The following BMPR2 variants were observed in gnomAD, a reference collection of about 807,000 sequenced individuals.
BMPR2 encodes the protein bone morphogenetic protein receptor type 2.
Under a neutral mutation model 100.8 loss-of-function variants are expected in BMPR2, and 29 were observed. The observed-to-expected ratio is 0.29, with a 90% CI of 0.21 to 0.39. BMPR2 has a LOEUF of 0.39. Among genes scored for constraint, BMPR2 ranks in the 10% least tolerant of loss-of-function variants. The pLI is 1.00. For synonymous variants in BMPR2, 382 were observed against 442.3 expected (o/e 0.86, Z 1.71); for missense variants, 1,011 against 1,274.5 (o/e 0.79, Z 3.15).
Position 202,555,504 on chromosome 2 carries a change from A to C in BMPR2, c.1839A>C (p.Thr613=), listed in dbSNP as rs1688551318. ...TCACCAGCCTCTCCACCAACACAAC[A>C]ACCACAAACACCACAGGACTCACGC... The part of the protein sequence containing the change: ...TSVTSLSTNT[T]TTNTTGLTPS... Residue 613 remains threonine (T), a synonymous_variant, in exon 12 of 13, where the codon ACA becomes ACC. Transcript: ENST00000374580. 2 of 1,614,120 alleles carry C rather than the reference A, an allele frequency of 1.2e-6. No homozygotes were observed. The highest frequency in any genetic ancestry group is 1.3e-5 in the African/African-American group (1 of 75,046).
Position 202,514,905 on chromosome 2 carries a change from C to G in BMPR2, c.547C>G (p.Leu183Val), listed in dbSNP as rs1281060306. ...TCTTATAGGAGACCGTAAACAAGGTCTTCACAGTATGAACATGATGGAGGC... is the reference window on the plus strand; with the variant it reads ...TCTTATAGGAGACCGTAAACAAGGTGTTCACAGTATGAACATGATGGAGGC... ...RMLTGDRKQG[L>V]HSMNMMEAAA... Residue 183 changes from leucine (L) to valine (V), a missense_variant, in exon 5 of 13, where the codon CTT becomes GTT. Transcript: ENST00000374580. 1 of 1,613,872 alleles carries G rather than the reference C, an allele frequency of 6.2e-7. No individual in the cohort carries two copies. Among genetic ancestry groups the G allele is most frequent in the Non-Finnish European group, 8.5e-7 (1 of 1,179,946 alleles).
chr2:202,388,993 G>C (rs1690492087), intron 1 of BMPR2, among the ~76,000 whole-genome samples: 1 of 152,198 alleles, frequency 6.6e-6, no homozygotes, highest in South Asian at 2.1e-4. Flanking sequence ...TCTTTGGGAG[G>C]CTGAGGCAGG....
intron 7 of BMPR2, among the ~76,000 whole-genome samples, chr2:202,526,628 T>C (rs1211325484): frequency 6.6e-6 from 1 of 152,220 alleles, no homozygotes; most frequent in African/African-American, 2.4e-5. Context: ...AAAAGTTGGC[T>C]TAGCACAGAA....
chr2:202,542,413 C>T lies in BMPR2; in HGVS notation c.1379C>T (p.Pro460Leu). 1 of 1,613,858 alleles carries T rather than the reference C, an allele frequency of 6.2e-7. No individual in the cohort carries two copies. The highest frequency in any genetic ancestry group is 2.2e-5 in the East Asian group (1 of 44,842). Residue 460 changes from proline (P) to leucine (L), a missense_variant, in exon 10 of 13, where the codon CCC becomes CTC. Around this residue, in one of 6 missense-constraint regions of BMPR2, gnomAD observed 83 missense variants for 140.7 expected, o/e 0.59. Coordinates refer to ENST00000374580, the MANE Select transcript of BMPR2 (RefSeq NM_001204.7). ...CTCGTGTCTAGGGAAAAACAGAGAC[C>T]CAAGTTCCCAGAAGCCTGGAAAGAA... ...QVLVSREKQR[P>L]KFPEAWKENS... is the part of the protein sequence containing the mutation.
chr2:202,544,916 C>G (rs1688347981), intron 10 of BMPR2, among the ~76,000 whole-genome samples: 1 of 151,622 alleles, frequency 6.6e-6, no homozygotes, highest in African/African-American at 2.4e-5. Flanking sequence ...AGGTGCATAC[C>G]ACTTTGCCTG....
intron 1 of BMPR2, among the ~76,000 whole-genome samples, chr2:202,443,612 G>A (rs1159044168): frequency 6.7e-6 from 1 of 149,158 alleles, no homozygotes; most frequent in Non-Finnish European, 1.5e-5. Flanking sequence ...CACCCAGGCT[G>A]GAGTGCAGTG....
chr2:202,444,343 GT>G (rs1367293460), intron 1 of BMPR2, among the ~76,000 whole-genome samples: 1 of 150,140 alleles, frequency 6.7e-6, no homozygotes, highest in African/African-American at 2.5e-5. Context: ...CATTTTATTT[GT>G]TTTTTTATAA....
rs375624016 is a variant in BMPR2 at position 202,376,511 on chromosome 2, A to AGGCGGCGGCGGC, written c.-939_-928dup. On this transcript the variant is annotated 5_prime_UTR_variant, in exon 1 of 13. Transcript: ENST00000374580. ...AGGAGCCCAGAGCTGCGGGAGAACG[A>AGGCGGCGGCGGC]GGCGGCGGCGGCGGCGGCGGCGGCG... Among the ~76,000 whole-genome samples the AGGCGGCGGCGGC allele has an allele frequency of 0.012, 1,461 of 125,838 alleles. 22 individuals are homozygous for AGGCGGCGGCGGC. The highest frequency in any genetic ancestry group is 0.014 in the Non-Finnish European group (848 of 58,908). 82.6% of individuals were successfully genotyped at this position (125,838 alleles called of 152,430 possible).
chr2:202,464,855 G>A lies in BMPR2; in HGVS notation c.123G>A (p.Gln41=). Residue 41 remains glutamine (Q), a synonymous_variant, in exon 2 of 13, where the codon CAG becomes CAA. Coordinates refer to ENST00000374580, the MANE Select transcript of BMPR2 (RefSeq NM_001204.7). ...TATGTGCGTTTAAAGATCCGTATCA[G>A]CAAGACCTTGGGATAGGTGAGAGTA... ...ERLCAFKDPY[Q]QDLGIGESRI... 1 of 1,614,110 alleles carries A rather than the reference G, an allele frequency of 6.2e-7. No individual in the cohort carries two copies. Among genetic ancestry groups the A allele is most frequent in the Non-Finnish European group, 8.5e-7 (1 of 1,180,012 alleles).
chr2:202,419,770 G>A (rs1358685128), intron 1 of BMPR2, among the ~76,000 whole-genome samples: 1 of 152,076 alleles, frequency 6.6e-6, no homozygotes, highest in East Asian at 1.9e-4. Context: ...AGAAAACAGC[G>A]TCTTGTTGAT....
At chr2:202,489,653 CAT>C (rs1485543657) in intron 3 of BMPR2, among the ~76,000 whole-genome samples, 2 of 152,138 alleles carry the variant, frequency 1.3e-5, no homozygotes, top group African/African-American at 2.4e-5. Context: ...AATAAACAAA[CAT>C]GATTAATTTT....
chr2:202,411,922 C>G (rs1691020117), intron 1 of BMPR2, among the ~76,000 whole-genome samples: 1 of 152,092 alleles, frequency 6.6e-6, no homozygotes, highest in African/African-American at 2.4e-5. Flanking sequence ...TTGTGGAATT[C>G]TTGATTAAAT....
intron 4 of BMPR2, among the ~76,000 whole-genome samples, chr2:202,514,379 G>T (rs944132876): frequency 2.0e-5 from 3 of 152,046 alleles, no homozygotes; most frequent in Non-Finnish European, 4.4e-5. Flanking sequence ...CTCGTGATCC[G>T]CCCGCCTTGG....
At position 202,503,425 on chromosome 2, in the gene BMPR2, G is replaced by C. The variant is rs1045590498; in HGVS notation, c.419-10294G>C. Among the ~76,000 whole-genome samples, 1 of 152,244 alleles carries C rather than the reference G, an allele frequency of 6.6e-6. No individual in the cohort carries two copies. Among genetic ancestry groups the C allele is most frequent in the Non-Finnish European group, 1.5e-5 (1 of 68,036 alleles). On this transcript the variant is annotated intron_variant, in intron 3 of 12. Transcript: ENST00000374580. The surrounding 1 kb of genome is among the most constrained non-coding windows in gnomAD (Gnocchi z 4.0). ...AACCGGGGCGGCGTGCCGCGCTTGC[G>C]GGCCAGCCGGAGTTCCGGTTGGGCA... is the stretch of plus-strand genomic sequence containing the variant.
At chr2:202,489,775 G>A (rs1692860278) in intron 3 of BMPR2, among the ~76,000 whole-genome samples, 1 of 152,182 alleles carries the variant, frequency 6.6e-6, no homozygotes, top group South Asian at 2.1e-4. Flanking sequence ...AACATGGACA[G>A]AATTTTTAGA....
chr2:202,428,206 T>C (rs1425842054), intron 1 of BMPR2, among the ~76,000 whole-genome samples: 1 of 152,076 alleles, frequency 6.6e-6, no homozygotes, highest in Non-Finnish European at 1.5e-5. Context: ...TTTACCCTTT[T>C]CTTAGCACGT....
chr2:202,513,583 C>T, intron 3 of BMPR2, 136 bp from the exon 4 acceptor site: 6 of 605,420 alleles, frequency 9.9e-6, no homozygotes, highest in African/African-American at 1.9e-5. Context: ...CTAATTTTTT[C>T]TTTCATTTCC....
intron 1 of BMPR2, among the ~76,000 whole-genome samples, chr2:202,382,058 G>GTTTTTTTTTTT (rs1216592236): frequency 1.8e-5 from 2 of 113,648 alleles, no homozygotes; most frequent in Non-Finnish European, 3.7e-5. Context: ...TTTTGTTTTT[G>GTTTTTTTTTTT]TTTTTTTTTT....
At chr2:202,408,066 C>A (rs545785938) in intron 1 of BMPR2, among the ~76,000 whole-genome samples, 65 of 152,184 alleles carry the variant, frequency 4.3e-4, no homozygotes, top group African/African-American at 1.5e-3. Flanking sequence ...ATCTCTTGAC[C>A]TCGTGATCTG....
Sources: allele counts gnomAD v4.1 joint callset (sites outside exome capture counted in the v4.1 genomes callset), GRCh38; gene constraint gnomAD v4.1.1; regional missense constraint gnomAD v4.1.1; non-coding constraint Gnocchi (gnomAD v3.1); transcripts MANE v1.5; gene names NCBI Gene and HGNC (gene_info 2026-07-23, HGNC 2026-07-21).